Variants in SYTL3 observed in about 807,000 individuals in gnomAD.
SYTL3 encodes synaptotagmin-like protein 3.
Under a neutral mutation model 82.1 loss-of-function variants are expected in SYTL3, and 88 were observed. The observed-to-expected ratio is 1.07, with a 90% CI of 0.90 to 1.28. SYTL3 has a LOEUF of 1.28. SYTL3 is among the 50% of genes most tolerant of loss of function. The pLI, the probability that SYTL3 is intolerant of heterozygous loss-of-function variation, is 0.00. For missense variants in SYTL3, 831 were observed against 757.6 expected (o/e 1.10, Z -1.14); for synonymous variants, 311 against 289.4 (o/e 1.07, Z -0.76).
At chr6:158,670,494 A>G (rs924535476) in intron 5 of SYTL3, among the ~76,000 whole-genome samples, 6 of 152,152 alleles carry the variant, frequency 3.9e-5, no homozygotes, top group Non-Finnish European at 8.8e-5. Flanking sequence ...TACTTTTAAC[A>G]TTGCTGGCCG....
chr6:158,716,256 C>A (rs1583345669), intron 9 of SYTL3, among the ~76,000 whole-genome samples: 1 of 152,306 alleles, frequency 6.6e-6, no homozygotes, highest in African/African-American at 2.4e-5. Context: ...CCTTTGTCCC[C>A]TAATAATACT....
At chr6:158,743,203 A>G (rs1199485896) in intron 11 of SYTL3, among the ~76,000 whole-genome samples, 1 of 152,194 alleles carries the variant, frequency 6.6e-6, no homozygotes, top group Non-Finnish European at 1.5e-5. Flanking sequence ...GCAGGTCAGT[A>G]GGATAGAATC....
At chr6:158,704,370 G>A (rs756018544) in intron 6 of SYTL3, among the ~76,000 whole-genome samples, 4 of 152,246 alleles carry the variant, frequency 2.6e-5, no homozygotes, top group Non-Finnish European at 5.9e-5. Flanking sequence ...CGCTGCAGCC[G>A]GCAGGGGGCA....
intron 11 of SYTL3, among the ~76,000 whole-genome samples, chr6:158,730,876 C>G (rs915189108): frequency 2.0e-5 from 3 of 151,980 alleles, no homozygotes; most frequent in Non-Finnish European, 4.4e-5. Context: ...CGCCAGGGGG[C>G]GGGTCGGGGT....
chr6:158,730,083 A>G (rs931394138), intron 11 of SYTL3, among the ~76,000 whole-genome samples: 2 of 152,234 alleles, frequency 1.3e-5, no homozygotes, highest in Non-Finnish European at 2.9e-5. Context: ...GCTCACAGGC[A>G]CATTCCAGCT....
At chr6:158,739,994 C>CTTTTTTTT (rs35026438) in intron 11 of SYTL3, among the ~76,000 whole-genome samples, 53 of 105,558 alleles carry the variant, frequency 5.0e-4, no homozygotes, top group Non-Finnish European at 6.8e-4. Flanking sequence ...AGGCAACTTA[C>CTTTTTTTT]TTTTTTTTTT....
chr6:158,742,586 T>A (rs1467713962), intron 11 of SYTL3, among the ~76,000 whole-genome samples: 2 of 151,914 alleles, frequency 1.3e-5, no homozygotes, highest in Admixed American at 6.6e-5. Context: ...TTTTTGCTTT[T>A]TTTTTTTGAG....
chr6:158,727,465 C>A (rs7768148), intron 11 of SYTL3, among the ~76,000 whole-genome samples: 27,350 of 152,042 alleles, frequency 0.18, 3,046 homozygotes, highest in Non-Finnish European at 0.25. Flanking sequence ...GCCACCGCAC[C>A]CGGCCTAGAA....
chr6:158,661,644 G>A (rs1393067537), intron 3 of SYTL3, among the ~76,000 whole-genome samples: 1 of 152,162 alleles, frequency 6.6e-6, no homozygotes, highest in Non-Finnish European at 1.5e-5. Flanking sequence ...CATGAACTTG[G>A]AGAAAAAATT....
intron 6 of SYTL3, among the ~76,000 whole-genome samples, chr6:158,692,257 CAAAAAAAAAAAAAAAAAAAAAAAAAAA>C (rs571381475): frequency 2.5e-4 from 8 of 32,186 alleles, no homozygotes; most frequent in African/African-American, 6.2e-4. Flanking sequence ...GACTCCGTCT[CAAAAAAAAAAAAAAAAAAAAAAAAAAA>C]AAAAAAAAAA....
At chr6:158,724,677 G>A (rs1342632097) in intron 10 of SYTL3, among the ~76,000 whole-genome samples, 1 of 152,208 alleles carries the variant, frequency 6.6e-6, no homozygotes, top group Non-Finnish European at 1.5e-5. Context: ...GTCATGTGTG[G>A]CTAGTGACTA....
At chr6:158,712,089 C>T (rs1782822297) in intron 8 of SYTL3, among the ~76,000 whole-genome samples, 1 of 152,202 alleles carries the variant, frequency 6.6e-6, no homozygotes, top group African/African-American at 2.4e-5. Context: ...ATGTAACTCT[C>T]AGTTCAAAGC....
chr6:158,690,267 C>T (rs1779723433), intron 6 of SYTL3, among the ~76,000 whole-genome samples: 1 of 152,222 alleles, frequency 6.6e-6, no homozygotes, highest in Admixed American at 6.5e-5. Flanking sequence ...GGGATCTGCT[C>T]ATTTGGCCAC....
At chr6:158,754,252 T>C (rs1179037496) in intron 13 of SYTL3, among the ~76,000 whole-genome samples, 2 of 152,214 alleles carry the variant, frequency 1.3e-5, no homozygotes, top group Non-Finnish European at 2.9e-5. Flanking sequence ...GGGAGACTTG[T>C]ACCCCATTTG....
At chr6:158,678,403 A>G (rs1314060404) in intron 5 of SYTL3, among the ~76,000 whole-genome samples, 1 of 152,196 alleles carries the variant, frequency 6.6e-6, no homozygotes, top group East Asian at 1.9e-4. Flanking sequence ...CATACAGTGT[A>G]GATGCAGTAG....
chr6:158,645,362 G>A (rs184641088), upstream of SYTL3, among the ~76,000 whole-genome samples: 30 of 152,246 alleles, frequency 2.0e-4, no homozygotes, highest in African/African-American at 6.5e-4. Flanking sequence ...TTGTATGTGG[G>A]TTCTTTATGG....
chr6:158,694,928 G>A (rs1341793762), intron 6 of SYTL3, among the ~76,000 whole-genome samples: 1 of 152,156 alleles, frequency 6.6e-6, no homozygotes, highest in Non-Finnish European at 1.5e-5. Context: ...ATTGGGTTTT[G>A]ATTCACTGTT....
At chr6:158,648,535 G>A (rs1369039859), upstream of SYTL3, among the ~76,000 whole-genome samples, 1 of 150,580 alleles carries the variant, frequency 6.6e-6, no homozygotes, top group Non-Finnish European at 1.5e-5. Context: ...AGCTTGCAGT[G>A]AGCCGAGATC....
intron 6 of SYTL3, among the ~76,000 whole-genome samples, chr6:158,691,401 A>G (rs1355856248): frequency 6.6e-6 from 1 of 152,028 alleles, no homozygotes; most frequent in Non-Finnish European, 1.5e-5. Flanking sequence ...TTTTTAATGT[A>G]CTTTAAGTAA....
Sources: allele counts gnomAD v4.1 joint callset (sites outside exome capture counted in the v4.1 genomes callset), GRCh38; gene constraint gnomAD v4.1.1; transcripts MANE v1.5; gene names NCBI Gene and HGNC (gene_info 2026-07-23, HGNC 2026-07-21).